The following TEX15 variants were observed in gnomAD, a reference collection of about 807,000 sequenced individuals.
The protein encoded by TEX15 is testis-expressed protein 15.
TEX15 carries 171 observed loss-of-function variants against 237.3 expected under a neutral mutation model. The ratio of observed to expected loss-of-function variants is 0.72; its 90% CI spans 0.64 to 0.82. The LOEUF is 0.82. Among genes scored for constraint, TEX15 ranks in the 40% least tolerant of loss-of-function variants. TEX15 has a pLI of 0.00. For missense variants in TEX15, 3,750 were observed against 3,646.5 expected, an observed-to-expected ratio of 1.03 and a Z score of -0.73; for synonymous variants, 1,338 against 1,269.8, an observed-to-expected ratio of 1.05 and a Z score of -1.14.
At chr8:30,870,650 T>C (rs1003307346) in intron 4 of TEX15, among the ~76,000 whole-genome samples, 7 of 152,054 alleles carry the variant, frequency 4.6e-5, no homozygotes, top group African/African-American at 1.7e-4. Context: ...AAGAACTCAG[T>C]ATCCAGCTGG....
intron 7 of TEX15, among the ~76,000 whole-genome samples, chr8:30,855,613 AAAAC>A (rs1419604901): frequency 2.0e-5 from 3 of 152,200 alleles, no homozygotes; most frequent in Non-Finnish European, 4.4e-5. Context: ...AAGAGCAATG[AAAAC>A]ATATATCCAT....
chr8:30,895,647 T>C, intron 2 of TEX15, among the ~76,000 whole-genome samples: 1 of 149,406 alleles, frequency 6.7e-6, no homozygotes, highest in East Asian at 1.9e-4. Context: ...TATTCAAGGG[T>C]TTACATGTCA....
rs780253610 is a variant in TEX15, at chr8:30,848,092, TTTG to T, written c.2072_2074del (p.Thr691del). Reference sequence around the variant, plus strand: ...ATCCTTTATGGTAGATGTAGAAGATTTTGTTATTTCTAACTCTTGAGTAATTAA... The same window carrying T: ...ATCCTTTATGGTAGATGTAGAAGATTTTATTTCTAACTCTTGAGTAATTAA... On this transcript the variant is annotated inframe_deletion, in exon 8 of 11. Coordinates refer to ENST00000643185, the MANE Select transcript of TEX15 (RefSeq NM_001350162.2). 6 of 1,610,738 alleles carry T rather than the reference TTTG, an allele frequency of 3.7e-6. No homozygotes were observed. In the Admixed American group the frequency reaches 8.4e-5, roughly 22 times the overall value.
chr8:30,908,772 C>T (rs1809160088), intron 1 of TEX15, among the ~76,000 whole-genome samples: 1 of 152,184 alleles, frequency 6.6e-6, no homozygotes, highest in African/African-American at 2.4e-5. Context: ...GGGTGTCTCA[C>T]ATGCTTTAAA....
In TEX15 at chr8:30,881,626, A is replaced by AT. The variant is rs755911484; in HGVS notation, c.136+5540dup. Among the ~76,000 whole-genome samples the AT allele has an allele frequency of 4.9e-3, 372 of 76,180 alleles. 35 individuals carry two copies. Among genetic ancestry groups the AT allele is most frequent in the African/African-American group, 0.017 (151 of 8,880 alleles). The allele number at this position is 76,180 out of a possible 152,430, so 50.0% of individuals were successfully genotyped here. On this transcript the variant is annotated intron_variant, in intron 3 of 10. Coordinates refer to ENST00000643185, the MANE Select transcript of TEX15 (RefSeq NM_001350162.2). Reference sequence around the variant, plus strand: ...CCATCTTGACTTTTTATTTTTTTTTATTATTTTTTTTTTTTGAGACAGTCT... The same window carrying AT: ...CCATCTTGACTTTTTATTTTTTTTTATTTATTTTTTTTTTTTGAGACAGTCT...
intron 1 of TEX15, among the ~76,000 whole-genome samples, chr8:30,900,853 T>C (rs140542864): frequency 4.5e-4 from 68 of 152,342 alleles, no homozygotes; most frequent in Non-Finnish European, 8.4e-4. Flanking sequence ...TCATGGGTGA[T>C]ATTCCATGAA....
rs1340676405 is a variant in TEX15, at chr8:30,848,201, T to C, written c.1966A>G (p.Ile656Val). The change falls in exon 8 of 11, where the codon ATA (isoleucine) becomes GTA (valine). Residue 656 changes from isoleucine (I) to valine (V), a missense_variant. Ile to Val is a conservative substitution (Grantham distance 29, BLOSUM62 3). Transcript: ENST00000643185. ...DFTNETKISPIDNYIVLHQEY... is the reference protein window; with the variant it reads ...DFTNETKISPVDNYIVLHQEY... ...TGGTGCAAAACAATGTAATTATCTA[T>C]TGGACTGATTTTTGTTTCATTAGTG... 1 of 1,612,032 alleles carries C rather than the reference T, an allele frequency of 6.2e-7. No homozygotes were observed. Among genetic ancestry groups the C allele is most frequent in the Non-Finnish European group, 8.5e-7 (1 of 1,179,688 alleles).
At chr8:30,860,865 A>T (rs1191828679) in intron 5 of TEX15, among the ~76,000 whole-genome samples, 2 of 152,128 alleles carry the variant, frequency 1.3e-5, no homozygotes, top group African/African-American at 4.8e-5. Flanking sequence ...ATCTACTTTT[A>T]AAAATGGGGT....
intron 10 of TEX15, among the ~76,000 whole-genome samples, chr8:30,834,513 A>G (rs1366304906): frequency 6.6e-6 from 1 of 152,206 alleles, no homozygotes; most frequent in Non-Finnish European, 1.5e-5. Context: ...TTCTTAGGTG[A>G]AAAATTTCTA....
intron 5 of TEX15, among the ~76,000 whole-genome samples, chr8:30,863,718 T>C (rs992014111): frequency 3.3e-5 from 5 of 151,788 alleles, no homozygotes; most frequent in African/African-American, 1.2e-4. Context: ...CAGGAGAAAT[T>C]AGAAAATCAG....
chr8:30,884,202 T>C (rs1355628569), intron 3 of TEX15, among the ~76,000 whole-genome samples: 1 of 152,234 alleles, frequency 6.6e-6, no homozygotes, highest in Non-Finnish European at 1.5e-5. Flanking sequence ...TTTCAATAAC[T>C]TCTATTCTGA....
chr8:30,846,867 G>C lies in TEX15; in HGVS notation c.3300C>G (p.Ile1100Met), dbSNP rs754629182. Residue 1100 changes from isoleucine (I) to methionine (M), a missense_variant, in exon 8 of 11, where the codon ATC (isoleucine) becomes ATG (methionine). Coordinates refer to ENST00000643185, the MANE Select transcript of TEX15 (RefSeq NM_001350162.2). Reference sequence around the variant, plus strand: ...CAAGTGCTAACAGACCTTCCCAACTGATACGAGACTTCAGAGCCTTATATG... The same window carrying C: ...CAAGTGCTAACAGACCTTCCCAACTCATACGAGACTTCAGAGCCTTATATG... ...VTSYKALKSR[I>M]SWEGLLALDN... The C allele has an allele frequency of 4.3e-6, 7 of 1,613,800 alleles. No individual in the cohort carries two copies.
Position 30,839,899 on chromosome 8 carries a change from C to A in TEX15, c.8222+7G>T. On this transcript the variant is annotated splice_region_variant and intron_variant, in intron 9 of 10. Coordinates refer to ENST00000643185, the MANE Select transcript of TEX15 (RefSeq NM_001350162.2). ...TTTTTCCACATAGGGCTGATGGGAA[C>A]TCCTACCTTGGATGCTTGAATGTTG... 1.3e-6 allele frequency: 2 copies of A among 1,597,142 alleles called. No homozygotes were observed.
chr8:30,848,398 T>C lies in TEX15; in HGVS notation c.1769A>G (p.Lys590Arg), dbSNP rs201280947. The C allele has an allele frequency of 6.2e-6, 10 of 1,614,162 alleles. No individual in the cohort carries two copies. The East Asian group carries it at 2.2e-4, about 36-fold the overall frequency. Residue 590 changes from lysine (K) to arginine (R), a missense_variant, in exon 8 of 11, where the codon AAA becomes AGA. By Grantham distance (26) the Lys-to-Arg change is conservative (BLOSUM62 2). Coordinates refer to ENST00000643185, the MANE Select transcript of TEX15 (RefSeq NM_001350162.2). ...IFQDSQSSDL[K>R]TIYQTGCQTS... ...TTGGCAACCAGTCTGATAAATTGTT[T>C]TTAAATCAGAAGACTGCGAGTCCTG...
intron 4 of TEX15, among the ~76,000 whole-genome samples, chr8:30,869,086 AT>A (rs1168006760): frequency 6.6e-6 from 1 of 151,948 alleles, no homozygotes; most frequent in Non-Finnish European, 1.5e-5. Flanking sequence ...TGAAAAAAAA[AT>A]GGGCCTAAAT....
At position 30,867,245 on chromosome 8, in the gene TEX15, A is replaced by G; in HGVS notation, c.540+20T>C. The G allele has an allele frequency of 8.2e-7, 1 of 1,213,536 alleles. No homozygotes were observed. The highest frequency in any genetic ancestry group is 1.2e-6 in the Non-Finnish European group (1 of 857,476). 75.2% of individuals were successfully genotyped at this position (1,213,536 alleles called of 1,614,324 possible). ...AAAGCAAACTGTCCATATACTTAAT[A>G]TTTGTTTTATGATACCTACCTTAAA... On this transcript the variant is annotated intron_variant, in intron 5 of 10. Transcript: ENST00000643185.
Position 30,890,283 on chromosome 8 carries a change from A to G in TEX15, c.-9-2972T>C, listed in dbSNP as rs541267506. 2.0e-5 allele frequency among the ~76,000 whole-genome samples: 3 copies of G among 152,226 alleles called. No homozygotes were observed. The South Asian group carries it at 6.2e-4, about 32-fold the overall frequency. On this transcript the variant is annotated intron_variant, in intron 2 of 10. Transcript: ENST00000643185. ...AACAACTTTAAGCGAATACATTTAG[A>G]TATTAGACAAAATAATTCTTAGGAA...
At chr8:30,893,846 G>A (rs1808842495) in intron 2 of TEX15, among the ~76,000 whole-genome samples, 1 of 152,132 alleles carries the variant, frequency 6.6e-6, no homozygotes, top group Non-Finnish European at 1.5e-5. Context: ...CAACAATTAT[G>A]TGAAATTCTC....
intron 10 of TEX15, among the ~76,000 whole-genome samples, chr8:30,834,149 G>A (rs1807241245): frequency 6.6e-6 from 1 of 152,108 alleles, no homozygotes; most frequent in South Asian, 2.1e-4. Context: ...CAGAGTCATG[G>A]ACTTTGTTCC....
Sources: gnomAD v4.1 joint callset for allele counts (sites outside exome capture counted in the v4.1 genomes callset) on GRCh38, gnomAD v4.1.1 for gene constraint, MANE v1.5 for transcripts, NCBI Gene and HGNC (gene_info 2026-07-23, HGNC 2026-07-21) for gene names.